The following ADAMTS6 variants were observed in gnomAD, a reference collection of about 807,000 sequenced individuals.
ADAMTS6 encodes the protein ADAM metallopeptidase with thrombospondin type 1 motif 6, also known as A disintegrin and metalloproteinase with thrombospondin motifs 6.
A neutral mutation model predicts 144.3 loss-of-function variants in ADAMTS6; 23 were observed. The observed-to-expected ratio is 0.16, with a 90% CI of 0.11 to 0.23. ADAMTS6 has a LOEUF of 0.23. ADAMTS6 is among the 10% of genes least tolerant of loss of function. ADAMTS6 has a pLI of 1.00. For missense variants in ADAMTS6, 999 were observed against 1,379.6 expected, an observed-to-expected ratio of 0.72 and a Z score of 4.37; for synonymous variants, 444 against 457.5, an observed-to-expected ratio of 0.97 and a Z score of 0.38.
At chr5:65,212,109 T>C (rs2112314527) in intron 20 of ADAMTS6, among the ~76,000 whole-genome samples, 1 of 152,326 alleles carries the variant, frequency 6.6e-6, no homozygotes, top group Middle Eastern at 3.4e-3. Flanking sequence ...TCGAAGAGTT[T>C]CTGTTCAGTA....
intron 20 of ADAMTS6, among the ~76,000 whole-genome samples, chr5:65,198,104 T>C (rs1423412934): frequency 6.6e-6 from 1 of 152,126 alleles, no homozygotes; most frequent in Non-Finnish European, 1.5e-5. Flanking sequence ...CACGTCAAAC[T>C]ACAAGACAAT....
At chr5:65,374,929 A>G (rs1274495125) in intron 7 of ADAMTS6, among the ~76,000 whole-genome samples, 1 of 152,206 alleles carries the variant, frequency 6.6e-6, no homozygotes, top group African/African-American at 2.4e-5. Flanking sequence ...TCAATGGAAC[A>G]GAACAGAGCC....
Position 65,158,319 on chromosome 5 carries a change from T to C in ADAMTS6, c.3245-6374A>G, listed in dbSNP as rs115325940. 3.2e-3 allele frequency among the ~76,000 whole-genome samples: 483 copies of C among 152,310 alleles called. 4 individuals carry two copies. Among genetic ancestry groups the C allele is most frequent in the African/African-American group, 0.011 (463 of 41,556 alleles). ...GGAGCTGCCTAAGCTTTCCCAGAGC[T>C]ATTTACATGAGGGAGTCTAAGAGCC... is the stretch of plus-strand genomic sequence containing the variant. On this transcript the variant is annotated intron_variant, in intron 24 of 24. Transcript: ENST00000381055.
intron 15 of ADAMTS6, among the ~76,000 whole-genome samples, chr5:65,238,905 C>T (rs1758915482): frequency 6.6e-6 from 1 of 152,092 alleles, no homozygotes; most frequent in South Asian, 2.1e-4. Flanking sequence ...TTCATAAGTC[C>T]AGCAGGTTTT....
rs1406401729 is a variant in ADAMTS6, at chr5:65,151,780, T to A, written c.*56A>T. 6.0e-6 allele frequency: 9 copies of A among 1,493,560 alleles called. No individual in the cohort carries two copies. In the Admixed American group the frequency reaches 1.5e-4, roughly 25 times the overall value. The allele number at this position is 1,493,560 out of a possible 1,614,324, so 92.5% of individuals were successfully genotyped here. The stretch of plus-strand genomic sequence containing the variant: ...TCCTCTTCCTCTGGGTGGCTCTCTT[T>A]GATGGATGCATTTCCATGATGAAAT... On this transcript the variant is annotated 3_prime_UTR_variant, in exon 25 of 25. Coordinates refer to ENST00000381055, the MANE Select transcript of ADAMTS6 (RefSeq NM_197941.4).
In ADAMTS6 at chr5:65,242,058, T is replaced by G. The variant is rs116602208; in HGVS notation, c.1933+46A>C. ...GTATATATTTGTATATTCTTTGATA[T>G]TTGCAAAGTGCTCAAGCATGAATGC... On this transcript the variant is annotated intron_variant, in intron 15 of 24. Coordinates refer to ENST00000381055, the MANE Select transcript of ADAMTS6 (RefSeq NM_197941.4). 6.9e-4 allele frequency: 919 copies of G among 1,333,928 alleles called. 10 individuals are homozygous for G. In the African/African-American group the frequency reaches 0.012, roughly 18 times the overall value. The allele number at this position is 1,333,928 out of a possible 1,614,324, so 82.6% of individuals were successfully genotyped here. A position where few individuals can be genotyped will look rare whatever the true frequency, so the allele number is the denominator to read the frequency against.
At chr5:65,418,816 A>C (rs886830583) in intron 7 of ADAMTS6, among the ~76,000 whole-genome samples, 6 of 152,206 alleles carry the variant, frequency 3.9e-5, no homozygotes, top group Non-Finnish European at 7.4e-5. Context: ...ATCACTAATC[A>C]TCAGAAAAAT....
At chr5:65,342,171 G>C (rs1024497060) in intron 7 of ADAMTS6, among the ~76,000 whole-genome samples, 1 of 152,030 alleles carries the variant, frequency 6.6e-6, no homozygotes, top group African/African-American at 2.4e-5. Context: ...TAATAAATTA[G>C]GTATAGAAGG....
chr5:65,236,045 AT>A (rs1561311903), intron 15 of ADAMTS6, among the ~76,000 whole-genome samples: 1 of 152,208 alleles, frequency 6.6e-6, no homozygotes, highest in African/African-American at 2.4e-5. Context: ...AATAAAAAAG[AT>A]TCAAATACAT....
At chr5:65,262,598 A>G (rs759016401) in intron 13 of ADAMTS6, among the ~76,000 whole-genome samples, 4 of 152,124 alleles carry the variant, frequency 2.6e-5, no homozygotes, top group Non-Finnish European at 4.4e-5. Context: ...AATACTTTCT[A>G]TTTTTTACAT....
chr5:65,200,944 G>A (rs1755696410), intron 20 of ADAMTS6, among the ~76,000 whole-genome samples: 1 of 151,856 alleles, frequency 6.6e-6, no homozygotes, highest in Admixed American at 6.6e-5. Context: ...CTCACTTTTT[G>A]TCCATAAGTT....
intron 9 of ADAMTS6, among the ~76,000 whole-genome samples, chr5:65,310,063 G>A (rs1305307814): frequency 1.3e-5 from 2 of 152,058 alleles, no homozygotes; most frequent in Non-Finnish European, 2.9e-5. Context: ...CTTTGGGACA[G>A]TGAGTGAGTT....
chr5:65,161,481 C>T (rs1561233912), intron 24 of ADAMTS6, among the ~76,000 whole-genome samples: 1 of 152,302 alleles, frequency 6.6e-6, no homozygotes, highest in East Asian at 1.9e-4. Context: ...AGATGGCTTA[C>T]TGATTACTTA....
intron 14 of ADAMTS6, among the ~76,000 whole-genome samples, chr5:65,250,311 TGTCACA>T (rs1381186095): frequency 6.6e-6 from 1 of 152,216 alleles, no homozygotes; most frequent in Non-Finnish European, 1.5e-5. Flanking sequence ...TAGCAACATG[TGTCACA>T]GTCAGGATTC....
intron 7 of ADAMTS6, among the ~76,000 whole-genome samples, chr5:65,410,109 C>T (rs144359262): frequency 2.4e-4 from 36 of 152,260 alleles, no homozygotes; most frequent in Middle Eastern, 6.8e-3. Context: ...ACGGGCAATA[C>T]TGAGAGCAGA....
At chr5:65,406,530 G>C (rs918012708) in intron 7 of ADAMTS6, among the ~76,000 whole-genome samples, 43 of 152,086 alleles carry the variant, frequency 2.8e-4, no homozygotes, top group African/African-American at 9.2e-4. Context: ...TTTTTGATGT[G>C]CTGCTGGATT....
At chr5:65,351,774 G>A (rs1042623308) in intron 7 of ADAMTS6, among the ~76,000 whole-genome samples, 4 of 151,466 alleles carry the variant, frequency 2.6e-5, no homozygotes, top group African/African-American at 9.7e-5. Context: ...TTCCAGCTCA[G>A]GCAACACAGA....
chr5:65,181,399 T>C (rs1754342436), intron 22 of ADAMTS6, among the ~76,000 whole-genome samples: 1 of 152,226 alleles, frequency 6.6e-6, no homozygotes, highest in Non-Finnish European at 1.5e-5. Context: ...GCCACTCTCT[T>C]AAAGCTTAAT....
intron 11 of ADAMTS6, among the ~76,000 whole-genome samples, chr5:65,275,779 G>A (rs538006303): frequency 6.6e-6 from 1 of 152,006 alleles, no homozygotes; most frequent in Non-Finnish European, 1.5e-5. Context: ...AGCAGTAAGA[G>A]TAACATTTAA....
Sources: allele counts gnomAD v4.1 joint callset (sites outside exome capture counted in the v4.1 genomes callset), GRCh38; gene constraint gnomAD v4.1.1; transcripts MANE v1.5; gene names NCBI Gene and HGNC (gene_info 2026-07-23, HGNC 2026-07-21).